The following TBCK variants were observed in gnomAD, a reference collection of about 807,000 sequenced individuals.
TBCK encodes the protein TBC1 domain containing kinase.
Under a neutral mutation model 113.4 loss-of-function variants are expected in TBCK, and 99 were observed. The ratio of observed to expected loss-of-function variants is 0.87; its 90% CI spans 0.74 to 1.03. The LOEUF (loss-of-function observed/expected upper bound fraction) is 1.03. Among genes scored for constraint, TBCK ranks in the 50% least tolerant of loss-of-function variants. TBCK has a pLI of 0.00. For missense variants in TBCK, 1,045 were observed against 1,061.3 expected (o/e 0.98, Z 0.21); for synonymous variants, 369 against 370.8 (o/e 1.00, Z 0.05).
chr4:106,226,249 T>C (rs574912725), intron 19 of TBCK, among the ~76,000 whole-genome samples: 26 of 152,350 alleles, frequency 1.7e-4, no homozygotes, highest in African/African-American at 6.0e-4. Flanking sequence ...ATATACAATG[T>C]ATGTATCTGA....
chr4:106,109,226 C>T (rs182768015), intron 24 of TBCK, among the ~76,000 whole-genome samples: 1 of 152,234 alleles, frequency 6.6e-6, no homozygotes, highest in East Asian at 1.9e-4. Flanking sequence ...AGTTTCAATG[C>T]TACTCCTATC....
rs552662374 is a variant in TBCK at position 106,112,086 on chromosome 4, C to A, written c.2411+4117G>T. ...CCACTAAACACTCCCCTACAGATGA[C>A]CCCAGGGCTACGCTTCCTAGAATGG... On this transcript the variant is annotated intron_variant, in intron 24 of 25. Transcript: ENST00000394708. Among the ~76,000 whole-genome samples the A allele has an allele frequency of 6.0e-4, 91 of 152,232 alleles. 3 individuals are homozygous for A. The highest frequency in any genetic ancestry group is 1.7e-3 in the Admixed American group (26 of 15,284).
At chr4:106,108,277 T>A (rs1742413833) in intron 24 of TBCK, among the ~76,000 whole-genome samples, 1 of 151,458 alleles carries the variant, frequency 6.6e-6, no homozygotes, top group Non-Finnish European at 1.5e-5. Context: ...ATCATCTTCA[T>A]ACCAAAGCCT....
chr4:106,151,867 C>G (rs1464413344), intron 23 of TBCK, among the ~76,000 whole-genome samples: 8 of 151,756 alleles, frequency 5.3e-5, no homozygotes, highest in East Asian at 1.9e-4. Context: ...GATTACTTTC[C>G]TGGTTTCTTC....
At chr4:106,316,627 G>C (rs974822895), upstream of TBCK, 2 of 1,548,936 alleles carry the variant, frequency 1.3e-6, no homozygotes, top group South Asian at 1.2e-5. Context: ...ACTCACTCGG[G>C]GATCGCCGAT....
intron 19 of TBCK, among the ~76,000 whole-genome samples, chr4:106,223,285 T>TA (rs1168065707): frequency 1.3e-5 from 2 of 152,162 alleles, no homozygotes; most frequent in African/African-American, 4.8e-5. Context: ...CTCTCATTGT[T>TA]ACAGTTTGGT....
chr4:106,195,617 C>T (rs959647293), intron 20 of TBCK, among the ~76,000 whole-genome samples: 1 of 151,832 alleles, frequency 6.6e-6, no homozygotes, highest in South Asian at 2.1e-4. Flanking sequence ...AGAGCCTGAA[C>T]AAAACAAAGG....
intron 24 of TBCK, among the ~76,000 whole-genome samples, chr4:106,096,113 G>A (rs2149519874): frequency 6.6e-6 from 1 of 152,264 alleles, no homozygotes; most frequent in African/African-American, 2.4e-5. Flanking sequence ...TAACATTCCA[G>A]TAGGCATTGT....
intron 25 of TBCK, among the ~76,000 whole-genome samples, chr4:106,052,659 ACT>A (rs1734937801): frequency 6.6e-6 from 1 of 151,702 alleles, no homozygotes; most frequent in Non-Finnish European, 1.5e-5. Context: ...GAGTGTGCTA[ACT>A]CAATGCATTT....
chr4:106,209,638 C>T (rs1162853379), intron 20 of TBCK, among the ~76,000 whole-genome samples: 1 of 152,136 alleles, frequency 6.6e-6, no homozygotes, highest in African/African-American at 2.4e-5. Context: ...ATCAACAATG[C>T]TTTCTTTTCT....
At chr4:106,206,883 T>G (rs1290999430) in intron 20 of TBCK, among the ~76,000 whole-genome samples, 2 of 152,168 alleles carry the variant, frequency 1.3e-5, no homozygotes, top group Admixed American at 6.5e-5. Flanking sequence ...GTTAGCTTTA[T>G]CTTTAGCTGT....
chr4:106,248,143 A>G, intron 9 of TBCK, 102 bp downstream of exon 9: 4 of 659,196 alleles, frequency 6.1e-6, no homozygotes, highest in Non-Finnish European at 1.0e-5. Context: ...ATACTACTCC[A>G]TATGTACATT....
intron 23 of TBCK, among the ~76,000 whole-genome samples, chr4:106,124,242 A>G (rs1744849704): frequency 6.6e-6 from 1 of 152,252 alleles, no homozygotes; most frequent in East Asian, 1.9e-4. Context: ...CAAAAAACAC[A>G]TGAAAAATTG....
intron 20 of TBCK, among the ~76,000 whole-genome samples, chr4:106,212,276 A>T (rs1756237296): frequency 6.6e-6 from 1 of 152,168 alleles, no homozygotes; most frequent in Non-Finnish European, 1.5e-5. Flanking sequence ...AACAACAAAT[A>T]AAAAACAGGC....
intron 25 of TBCK, among the ~76,000 whole-genome samples, chr4:106,062,362 G>A (rs569865629): frequency 2.6e-5 from 4 of 151,900 alleles, no homozygotes; most frequent in South Asian, 2.1e-4. Flanking sequence ...TGTATCAGGA[G>A]CCCTAATAAG....
At chr4:106,154,145 C>G (rs1427668290) in intron 23 of TBCK, among the ~76,000 whole-genome samples, 4 of 151,950 alleles carry the variant, frequency 2.6e-5, no homozygotes, top group African/African-American at 4.8e-5. Flanking sequence ...TCTTTCCTTC[C>G]TTCCTGTCTT....
chr4:106,189,510 C>G (rs1445351336), intron 22 of TBCK, among the ~76,000 whole-genome samples: 1 of 152,054 alleles, frequency 6.6e-6, no homozygotes, highest in Non-Finnish European at 1.5e-5. Flanking sequence ...TACAGTTGCT[C>G]TACTCTTTCA....
At chr4:106,262,007 TTC>T in intron 4 of TBCK, 89 bp downstream of exon 4, 1 of 561,736 alleles carries the variant, frequency 1.8e-6, no homozygotes, top group Non-Finnish European at 3.0e-6. Flanking sequence ...CATATTCTGA[TTC>T]TATTGTTCCT....
chr4:106,190,736 C>CTA (rs1753562487), intron 22 of TBCK, among the ~76,000 whole-genome samples: 1 of 146,800 alleles, frequency 6.8e-6, no homozygotes, highest in African/African-American at 2.5e-5. Flanking sequence ...AGAAGAAGAA[C>CTA]TTTTTTTTTT....
Sources: gnomAD v4.1 joint callset for allele counts (sites outside exome capture counted in the v4.1 genomes callset) on GRCh38, gnomAD v4.1.1 for gene constraint, MANE v1.5 for transcripts, NCBI Gene and HGNC (gene_info 2026-07-23, HGNC 2026-07-21) for gene names.